NCALD: variants seen among roughly 807,000 people sequenced by gnomAD.
NCALD encodes the protein neurocalcin-delta.
NCALD carries 10 observed loss-of-function variants against 18.6 expected under a neutral mutation model. The ratio of observed to expected loss-of-function variants is 0.54; its 90% CI spans 0.33 to 0.91. NCALD has a LOEUF of 0.91. Among genes scored for constraint, NCALD ranks in the 40% least tolerant of loss-of-function variants. NCALD has a pLI of 0.03. For missense variants in NCALD, 184 were observed against 247.6 expected (o/e 0.74, Z 1.72); for synonymous variants, 88 against 87.4 (o/e 1.01, Z -0.04).
intron 4 of NCALD, among the ~76,000 whole-genome samples, chr8:101,812,362 T>C (rs1015598707): frequency 6.6e-6 from 1 of 152,190 alleles, no homozygotes; most frequent in Non-Finnish European, 1.5e-5. Context: ...GTTCAGTTAT[T>C]GAGTTTTCCA....
At chr8:101,832,485 T>C (rs1814231170) in intron 4 of NCALD, among the ~76,000 whole-genome samples, 1 of 152,228 alleles carries the variant, frequency 6.6e-6, no homozygotes, top group Non-Finnish European at 1.5e-5. Flanking sequence ...CAATCAAAAA[T>C]GATTTCTTCT....
intron 1 of NCALD, among the ~76,000 whole-genome samples, chr8:101,739,849 G>A (rs1294599861): frequency 6.6e-6 from 1 of 152,128 alleles, no homozygotes; most frequent in African/African-American, 2.4e-5. Context: ...TTGTGATTGT[G>A]TGAGTCGATT....
chr8:101,781,889 T>C lies in NCALD; in HGVS notation c.-20+8973A>G, dbSNP rs1356522768. 3.9e-5 allele frequency among the ~76,000 whole-genome samples: 6 copies of C among 152,034 alleles called. No homozygotes were observed. The South Asian group carries it at 1.2e-3, about 32-fold the overall frequency. On this transcript the variant is annotated intron_variant, in intron 1 of 3. Transcript: ENST00000220931. Reference sequence around the variant, plus strand: ...GATGGCATGCTCTGGTTAAGAACATTCTGATAGTTGCCAGACACTTATATT... The same window carrying C: ...GATGGCATGCTCTGGTTAAGAACATCCTGATAGTTGCCAGACACTTATATT...
chr8:101,851,150 C>T (rs916389991), intron 4 of NCALD, among the ~76,000 whole-genome samples: 2 of 152,024 alleles, frequency 1.3e-5, no homozygotes, highest in Admixed American at 6.6e-5. Flanking sequence ...GAGAATCTTA[C>T]GAGATTAGTG....
intron 2 of NCALD, among the ~76,000 whole-genome samples, chr8:101,958,241 T>A (rs1221664101): frequency 6.6e-6 from 1 of 152,180 alleles, no homozygotes. Flanking sequence ...GTAATCGACA[T>A]GTTTTTGTCT....
chr8:101,878,098 G>A (rs759147336), intron 4 of NCALD, among the ~76,000 whole-genome samples: 2 of 152,090 alleles, frequency 1.3e-5, no homozygotes, highest in Non-Finnish European at 1.5e-5. Context: ...AGTGGCCAAG[G>A]GTGGGAAAAA....
intron 1 of NCALD, among the ~76,000 whole-genome samples, chr8:102,100,917 TTGA>T (rs1825256560): frequency 6.6e-6 from 1 of 152,072 alleles, no homozygotes; most frequent in African/African-American, 2.4e-5. Context: ...GAGTTGTTGT[TTGA>T]TGGTAAGTTA....
Position 101,719,543 on chromosome 8 carries a change from T to A in NCALD, c.87A>T (p.Glu29Asp), listed in dbSNP as rs755775495. The change falls in exon 2 of 4, where the codon GAA becomes GAT. Residue 29 changes from glutamate (E) to aspartate (D), a missense_variant. Transcript: ENST00000220931. ...STDFTEHEIQ[E>D]WYKGFLRDCP... Reference sequence around the variant, plus strand: ...AGTCTCTCAAGAAGCCTTTATACCATTCCTGGATCTCATGCTCTGTAAAGT... The same window carrying A: ...AGTCTCTCAAGAAGCCTTTATACCAATCCTGGATCTCATGCTCTGTAAAGT... 6.2e-7 allele frequency: 1 copy of A among 1,614,194 alleles called. No homozygotes were observed. Among genetic ancestry groups the A allele is most frequent in the East Asian group, 2.2e-5 (1 of 44,886 alleles).
intron 1 of NCALD, among the ~76,000 whole-genome samples, chr8:101,758,379 C>T (rs191820310): frequency 6.6e-6 from 1 of 152,286 alleles, no homozygotes; most frequent in East Asian, 1.9e-4. Flanking sequence ...GGATTCCCAC[C>T]AAATAAAGCC....
chr8:102,014,019 C>A (rs1323747480), intron 2 of NCALD, among the ~76,000 whole-genome samples: 4 of 152,122 alleles, frequency 2.6e-5, no homozygotes. Flanking sequence ...ACCCTGTGGG[C>A]CAGGTTTTTG....
At chr8:102,083,315 G>A (rs922459444) in intron 1 of NCALD, among the ~76,000 whole-genome samples, 5 of 152,204 alleles carry the variant, frequency 3.3e-5, no homozygotes, top group Middle Eastern at 3.4e-3. Context: ...GCATGATTTT[G>A]GCTTATCTTT....
intron 1 of NCALD, among the ~76,000 whole-genome samples, chr8:102,041,384 A>C (rs950622105): frequency 6.6e-6 from 1 of 152,230 alleles, no homozygotes; most frequent in Admixed American, 6.5e-5. Context: ...CTTAATTCAC[A>C]CTGGAAGATG....
At position 101,893,883 on chromosome 8, in the gene NCALD, A is replaced by G. The variant is rs1303276501; in HGVS notation, c.-106-6656T>C. Among the ~76,000 whole-genome samples, 4 of 146,436 alleles carry G rather than the reference A, an allele frequency of 2.7e-5. No homozygotes were observed. In the East Asian group the frequency reaches 7.8e-4, roughly 28 times the overall value. On this transcript the variant is annotated intron_variant, in intron 3 of 6. Coordinates refer to the NCALD transcript ENST00000311028. ...ATAAAGCAAGTCCTGAGTGACCTAC[A>G]AAGAGACGTAGACTCCCACACATTA...
Position 101,687,460 on chromosome 8 carries a change from A to T in NCALD, c.*1849T>A, listed in dbSNP as rs1298657851. 6.6e-6 allele frequency: 1 copy of T among 152,658 alleles called. No individual in the cohort carries two copies. Among genetic ancestry groups the T allele is most frequent in the East Asian group, 1.9e-4 (1 of 5,198 alleles). The allele number at this position is 152,658 out of a possible 1,614,324, so 9.5% of individuals were successfully genotyped here. A position where few individuals can be genotyped will look rare whatever the true frequency, so the allele number is the denominator to read the frequency against. ...AACTGACCCCTGGAGGAAGACTAGG[A>T]TTATTTTTACAGAGTCTAGGTCTCA... On this transcript the variant is annotated 3_prime_UTR_variant, in exon 4 of 4. Coordinates refer to ENST00000220931, the MANE Select transcript of NCALD (RefSeq NM_032041.3).
At chr8:102,115,782 C>T (rs1825763398) in intron 1 of NCALD, among the ~76,000 whole-genome samples, 1 of 152,170 alleles carries the variant, frequency 6.6e-6, no homozygotes, top group Non-Finnish European at 1.5e-5. Flanking sequence ...TAGCCTTCCT[C>T]TGAGAAATTA....
intron 2 of NCALD, among the ~76,000 whole-genome samples, chr8:101,964,047 T>C (rs965741812): frequency 6.6e-6 from 1 of 152,146 alleles, no homozygotes; most frequent in African/African-American, 2.4e-5. Context: ...TTCTTTAATT[T>C]CCAGTCACTA....
intron 4 of NCALD, among the ~76,000 whole-genome samples, chr8:101,844,487 G>T (rs1814784007): frequency 1.3e-5 from 2 of 151,830 alleles, no homozygotes; most frequent in Admixed American, 1.3e-4. Flanking sequence ...TTTCCCCTGA[G>T]TAGCTGAGAT....
intron 1 of NCALD, among the ~76,000 whole-genome samples, chr8:102,092,146 T>C (rs1824945437): frequency 6.6e-6 from 1 of 152,110 alleles, no homozygotes; most frequent in Non-Finnish European, 1.5e-5. Context: ...AAAACCAAGA[T>C]GGTGATGACA....
intron 2 of NCALD, among the ~76,000 whole-genome samples, chr8:101,941,979 T>G (rs1262151073): frequency 1.3e-5 from 2 of 152,226 alleles, no homozygotes; most frequent in Non-Finnish European, 2.9e-5. Context: ...GACTCATCTT[T>G]TTCTCAGAGG....
Sources: gnomAD v4.1 joint callset for allele counts (sites outside exome capture counted in the v4.1 genomes callset) on GRCh38, gnomAD v4.1.1 for gene constraint, MANE v1.5 for transcripts, NCBI Gene and HGNC (gene_info 2026-07-23, HGNC 2026-07-21) for gene names.